EBPL: variants seen among roughly 807,000 people sequenced by gnomAD.
EBPL encodes the protein emopamil-binding protein-like.
EBPL carries 20 observed loss-of-function variants against 19.0 expected under a neutral mutation model. That is an observed-to-expected ratio of 1.05 (90% CI 0.74 to 1.53). The LOEUF (loss-of-function observed/expected upper bound fraction) is 1.53, where lower values mean the gene tolerates loss of function less well. EBPL is among the 40% of genes most tolerant of loss of function. The pLI is 0.00. For synonymous variants in EBPL, 107 were observed against 117.0 expected, an observed-to-expected ratio of 0.91 and a Z score of 0.55; for missense variants, 219 against 261.1, an observed-to-expected ratio of 0.84 and a Z score of 1.11.
chr13:49,670,721 C>T (rs1464725776), intron 1 of EBPL, among the ~76,000 whole-genome samples: 1 of 152,090 alleles, frequency 6.6e-6, no homozygotes, highest in South Asian at 2.1e-4. Context: ...TCCAGTCCTT[C>T]GAGTTTCTGA....
At chr13:49,676,482 C>T (rs1594411603) in intron 1 of EBPL, among the ~76,000 whole-genome samples, 1 of 152,200 alleles carries the variant, frequency 6.6e-6, no homozygotes, top group South Asian at 2.1e-4. Context: ...GTCCCAGCTG[C>T]TGGGGAGGCT....
intron 2 of EBPL, among the ~76,000 whole-genome samples, chr13:49,667,715 G>A (rs2137487865): frequency 6.6e-6 from 1 of 152,278 alleles, no homozygotes; most frequent in South Asian, 2.1e-4. Flanking sequence ...AAACTCCTGG[G>A]CTCAAATAAT....
chr13:49,660,827 A>C lies in EBPL; in HGVS notation c.*141T>G. 1.4e-6 allele frequency: 1 copy of C among 732,336 alleles called. No homozygotes were observed. The highest frequency in any genetic ancestry group is 2.2e-6 in the Non-Finnish European group (1 of 455,068). The allele number at this position is 732,336 out of a possible 1,614,324, so 45.4% of individuals were successfully genotyped here. A position where few individuals can be genotyped will look rare whatever the true frequency, so the allele number is the denominator to read the frequency against. The stretch of plus-strand genomic sequence containing the variant: ...ATACAACGAAAACTGGTCGCCTTAA[A>C]ACCAATTTGAAACAGGTTGTTCAGG... On this transcript the variant is annotated 3_prime_UTR_variant, in exon 4 of 4. Coordinates refer to ENST00000242827, the MANE Select transcript of EBPL (RefSeq NM_032565.5).
chr13:49,667,786 G>A (rs1953755068), intron 2 of EBPL, among the ~76,000 whole-genome samples: 2 of 152,192 alleles, frequency 1.3e-5, no homozygotes, highest in South Asian at 4.1e-4. Flanking sequence ...CACCCAGCTA[G>A]TTTTCACTTC....
chr13:49,669,760 C>T lies in EBPL; in HGVS notation c.241+17G>A, dbSNP rs772536540. 11 of 1,611,968 alleles carry T rather than the reference C, an allele frequency of 6.8e-6. No homozygotes were observed. The South Asian group carries it at 8.8e-5, about 13-fold the overall frequency. On this transcript the variant is annotated intron_variant, in intron 2 of 3. Coordinates refer to ENST00000242827, the MANE Select transcript of EBPL (RefSeq NM_032565.5). ...CCTCCTCCAACATTTCAAACGCAAACGTTTTTAATTACTTACATAAAGAAG... is the reference window on the plus strand; with the variant it reads ...CCTCCTCCAACATTTCAAACGCAAATGTTTTTAATTACTTACATAAAGAAG...
At chr13:49,663,487 A>G (rs898642884) in intron 2 of EBPL, among the ~76,000 whole-genome samples, 1 of 152,226 alleles carries the variant, frequency 6.6e-6, no homozygotes, top group Non-Finnish European at 1.5e-5. Context: ...TAAGTAGCAG[A>G]ATTTTAAAAG....
rs1162739156 is a variant in EBPL, at chr13:49,669,091, GGATA to G, written c.241+682_241+685del. 1.9e-4 allele frequency among the ~76,000 whole-genome samples: 29 copies of G among 152,260 alleles called. 1 individual carries two copies. The highest frequency in any genetic ancestry group is 6.5e-4 in the African/African-American group (27 of 41,566). On this transcript the variant is annotated intron_variant, in intron 2 of 3. Transcript: ENST00000242827. ...AGACAGGATTTCACCGTGTTAGCCA[GGATA>G]GTCTCCATCTCCTGACCTGGTGATC...
In EBPL at chr13:49,661,124, G is replaced by A; in HGVS notation, c.465C>T (p.Pro155=). The A allele has an allele frequency of 6.2e-7, 1 of 1,614,148 alleles. No homozygotes were observed. Among genetic ancestry groups the A allele is most frequent in the South Asian group, 1.1e-5 (1 of 91,084 alleles). The change falls in exon 4 of 4, where the codon CCC becomes CCT. Residue 155 remains proline, a synonymous_variant. Coordinates refer to ENST00000242827, the MANE Select transcript of EBPL (RefSeq NM_032565.5). ...TFLPEWLTRS[P]NLNTSNWLYC... is the part of the protein sequence containing the mutation. ...ACAGCCAGTTGCTGGTGTTGAGGTTGGGGCTTCTGGTGAGCCACTCTGGGA... is the reference window on the plus strand; with the variant it reads ...ACAGCCAGTTGCTGGTGTTGAGGTTAGGGCTTCTGGTGAGCCACTCTGGGA...
chr13:49,663,309 T>G (rs1419135984), intron 2 of EBPL, 114 bp from the exon 3 acceptor site: 6 of 1,359,720 alleles, frequency 4.4e-6, no homozygotes, highest in African/African-American at 1.4e-5. Flanking sequence ...CCACTCTCTC[T>G]GCATTCTTCA....
intron 1 of EBPL, among the ~76,000 whole-genome samples, chr13:49,683,783 T>A (rs1953968902): frequency 6.6e-6 from 1 of 152,130 alleles, no homozygotes; most frequent in Non-Finnish European, 1.5e-5. Flanking sequence ...ACAGCCGCCG[T>A]GGAAAGCAGG....
intron 1 of EBPL, among the ~76,000 whole-genome samples, chr13:49,672,489 A>T (rs907729899): frequency 2.9e-4 from 44 of 152,200 alleles, no homozygotes; most frequent in Non-Finnish European, 5.9e-5. Flanking sequence ...TTTCTCTTTT[A>T]TCTCTGTATT....
intron 1 of EBPL, among the ~76,000 whole-genome samples, chr13:49,671,390 C>G (rs1594408475): frequency 6.6e-6 from 1 of 152,114 alleles, no homozygotes; most frequent in Non-Finnish European, 1.5e-5. Context: ...TTCCCCACCT[C>G]GGCCTCCCAA....
chr13:49,678,064 C>T (rs1264920664), intron 1 of EBPL, among the ~76,000 whole-genome samples: 2 of 152,112 alleles, frequency 1.3e-5, no homozygotes, highest in Non-Finnish European at 2.9e-5. Context: ...GGGCAGCCTG[C>T]TTTTATTCCC....
At chr13:49,673,886 C>T (rs1259271158) in intron 1 of EBPL, among the ~76,000 whole-genome samples, 2 of 151,606 alleles carry the variant, frequency 1.3e-5, no homozygotes, top group Admixed American at 6.6e-5. Context: ...CTTGTTAGTG[C>T]TGGAACTATT....
intron 1 of EBPL, among the ~76,000 whole-genome samples, chr13:49,682,468 C>T (rs1033566457): frequency 2.0e-5 from 3 of 152,152 alleles, no homozygotes; most frequent in Non-Finnish European, 2.9e-5. Context: ...AAGGAGGATT[C>T]ACACTAAGAG....
chr13:49,688,735 A>T (rs979495156), intron 1 of EBPL, among the ~76,000 whole-genome samples: 9 of 151,712 alleles, frequency 5.9e-5, no homozygotes, highest in African/African-American at 1.2e-4. Flanking sequence ...AAAAAAAAAA[A>T]AAAAGAAGTG....
intron 1 of EBPL, among the ~76,000 whole-genome samples, chr13:49,678,967 G>A (rs1953912074): frequency 6.9e-6 from 1 of 144,080 alleles, no homozygotes; most frequent in South Asian, 2.2e-4. Flanking sequence ...AGTCAAGATC[G>A]TGTGTGTCTG....
At position 49,691,479 on chromosome 13, in the gene EBPL, A is replaced by T; in HGVS notation, c.-55T>A. The T allele has an allele frequency of 1.6e-6, 2 of 1,269,466 alleles. No homozygotes were observed. Among genetic ancestry groups the T allele is most frequent in the Non-Finnish European group, 2.0e-6 (2 of 1,006,038 alleles). 78.6% of individuals were successfully genotyped at this position (1,269,466 alleles called of 1,614,324 possible). On this transcript the variant is annotated 5_prime_UTR_variant, in exon 1 of 4. Coordinates refer to ENST00000242827, the MANE Select transcript of EBPL (RefSeq NM_032565.5). The stretch of plus-strand genomic sequence containing the variant: ...GACCATGCGGCAGAGGAAAGCAGGG[A>T]GAGAAACGACGGGGCGGGGCTGGCC...
At chr13:49,669,754 C>G (rs201223590) in intron 2 of EBPL, 23 bp downstream of exon 2, 2 of 1,610,104 alleles carry the variant, frequency 1.2e-6, no homozygotes, top group East Asian at 4.5e-5. Flanking sequence ...ACATTTCAAA[C>G]GCAAACGTTT....
Sources: gnomAD v4.1 joint callset for allele counts (sites outside exome capture counted in the v4.1 genomes callset) on GRCh38, gnomAD v4.1.1 for gene constraint, MANE v1.5 for transcripts, NCBI Gene and HGNC (gene_info 2026-07-23, HGNC 2026-07-21) for gene names.